The following SLC5A11 variants were observed in gnomAD, a reference collection of about 807,000 sequenced individuals.
The protein encoded by SLC5A11 is sodium/myo-inositol cotransporter 2.
Under a neutral mutation model 69.8 loss-of-function variants are expected in SLC5A11, and 48 were observed. The ratio of observed to expected loss-of-function variants is 0.69; its 90% CI spans 0.55 to 0.87. The LOEUF (loss-of-function observed/expected upper bound fraction) is 0.87, where lower values mean the gene tolerates loss of function less well. Ranked by LOEUF, SLC5A11 falls within the 40% of genes least tolerant of loss-of-function variation. The pLI, the probability that SLC5A11 is intolerant of heterozygous loss-of-function variation, is 0.00. For synonymous variants in SLC5A11, 319 were observed against 342.4 expected (o/e 0.93, Z 0.75); for missense variants, 784 against 866.1 (o/e 0.91, Z 1.19).
At chr16:24,906,701 A>G (rs1296071006) in exon 11 of SLC5A11, 1 of 1,613,628 alleles carries the variant, frequency 6.2e-7, no homozygotes, top group Non-Finnish European at 8.5e-7. Context: ...GAAGATCTGC[A>G]GCAACCCCTC....
At chr16:24,862,798 G>C in intron 3 of SLC5A11, 126 bp downstream of exon 4, 2 of 686,266 alleles carry the variant, frequency 2.9e-6, no homozygotes, top group Non-Finnish European at 4.5e-6. Context: ...GTCTAAACTA[G>C]AGAAGGCTTA....
At chr16:24,910,255 A>G in intron 14 of SLC5A11, 51 bp from the exon 16 acceptor site, 2 of 1,591,534 alleles carry the variant, frequency 1.3e-6, no homozygotes, top group Non-Finnish European at 8.6e-7. Flanking sequence ...AGGATGGACA[A>G]CCCCGGCCCC....
chr16:24,878,927 C>T (rs1390333844), intron 7 of SLC5A11, among the ~76,000 whole-genome samples: 1 of 152,058 alleles, frequency 6.6e-6, no homozygotes, highest in African/African-American at 2.4e-5. Flanking sequence ...CCCAGCTACT[C>T]GGGAGGCTGA....
At chr16:24,869,599 A>G (rs1229066299) in intron 3 of SLC5A11, among the ~76,000 whole-genome samples, 2 of 152,150 alleles carry the variant, frequency 1.3e-5, no homozygotes, top group African/African-American at 4.8e-5. Flanking sequence ...CCCCGCAGGG[A>G]TACTGCATAT....
rs1317057970 is a variant in SLC5A11 at position 24,858,704 on chromosome 16, CAGAAGGG to C, written c.62_68del (p.Gln21ProfsTer10). ...GTTAGATCCCCTGGATGCGTTTCCC[CAGAAGGG>C]CTTGGAGCCTGGGGACATCGCGGTG... On this transcript the variant is annotated frameshift_variant, in exon 2 of 16. Transcript: ENST00000347898. LOFTEE classifies it high-confidence loss of function. The C allele has an allele frequency of 6.2e-7, 1 of 1,611,768 alleles. No individual in the cohort carries two copies. Among genetic ancestry groups the C allele is most frequent in the Non-Finnish European group, 8.5e-7 (1 of 1,179,688 alleles).
At position 24,870,442 on chromosome 16, in the gene SLC5A11, A is replaced by ACCACACACACACACACAC. The variant is rs71156449; in HGVS notation, c.312+437_312+438insCCACACACACACACACAC. 6.3e-4 allele frequency among the ~76,000 whole-genome samples: 89 copies of ACCACACACACACACACAC among 140,618 alleles called. 1 individual carries two copies. Among genetic ancestry groups the ACCACACACACACACACAC allele is most frequent in the African/African-American group, 9.7e-4 (37 of 38,088 alleles). 92.3% of individuals were successfully genotyped at this position (140,618 alleles called of 152,430 possible). A position where few individuals can be genotyped will look rare whatever the true frequency, so the allele number is the denominator to read the frequency against. On this transcript the variant is annotated intron_variant, in intron 4 of 15. Coordinates refer to ENST00000347898, the Ensembl canonical transcript of SLC5A11. ...AAACAAAACAAAAAAAACAAAAAAAAACACACACACACACACACACACAAA... is the reference window on the plus strand; with the variant it reads ...AAACAAAACAAAAAAAACAAAAAAAACCACACACACACACACACACACACACACACACACACACACAAA...
intron 2 of SLC5A11, among the ~76,000 whole-genome samples, chr16:24,860,854 C>T (rs866919245): frequency 1.3e-5 from 2 of 152,054 alleles, no homozygotes; most frequent in East Asian, 3.9e-4. Flanking sequence ...TACAGGCATC[C>T]GTCACCATGC....
intron 10 of SLC5A11, among the ~76,000 whole-genome samples, chr16:24,905,639 C>CGT (rs1567695401): frequency 2.1e-5 from 2 of 97,338 alleles, no homozygotes; most frequent in African/African-American, 8.3e-5. Flanking sequence ...CGCGCGCGCG[C>CGT]GCACACACAC....
At chr16:24,882,362 C>T (rs1336781016) in intron 7 of SLC5A11, among the ~76,000 whole-genome samples, 2 of 152,162 alleles carry the variant, frequency 1.3e-5, no homozygotes, top group African/African-American at 2.4e-5. Context: ...CATGCGTGAA[C>T]GGCAGGGAAC....
intron 10 of SLC5A11, among the ~76,000 whole-genome samples, chr16:24,905,268 A>T (rs7192235): frequency 1.0e-5 from 1 of 98,856 alleles, no homozygotes; most frequent in Non-Finnish European, 2.2e-5. Flanking sequence ...TACTAAAAAT[A>T]CAAAAAAAAA....
At chr16:24,877,148 T>C (rs1170579105) in intron 6 of SLC5A11, 110 bp from the exon 8 acceptor site, 2 of 1,539,246 alleles carry the variant, frequency 1.3e-6, no homozygotes, top group East Asian at 2.3e-5. Context: ...GACTCTTCTG[T>C]GTTTGTCAGC....
intron 5 of SLC5A11, among the ~76,000 whole-genome samples, chr16:24,873,065 A>G (rs375197839): frequency 4.4e-5 from 4 of 90,534 alleles, no homozygotes; most frequent in African/African-American, 1.7e-4. Context: ...GCTTGAACCC[A>G]GGAGGTGGAG....
intron 7 of SLC5A11, among the ~76,000 whole-genome samples, chr16:24,880,597 G>A (rs953487498): frequency 2.0e-5 from 3 of 152,132 alleles, no homozygotes; most frequent in Admixed American, 6.5e-5. Flanking sequence ...GCCTCCCAAA[G>A]TGCTGGGATT....
intron 3 of SLC5A11, among the ~76,000 whole-genome samples, chr16:24,868,236 C>A (rs1213602963): frequency 6.7e-6 from 1 of 150,360 alleles, no homozygotes; most frequent in Non-Finnish European, 1.5e-5. Flanking sequence ...CAACGATAAA[C>A]TCTTCCAAAC....
At chr16:24,877,411 C>T in intron 7 of SLC5A11, 48 bp downstream of exon 8, 12 of 1,400,672 alleles carry the variant, frequency 8.6e-6, no homozygotes, top group Non-Finnish European at 1.2e-5. Flanking sequence ...TGGGCAGGGG[C>T]TGTGGGCCAC....
intron 3 of SLC5A11, among the ~76,000 whole-genome samples, chr16:24,868,816 TTCC>T (rs1159787928): frequency 6.6e-6 from 1 of 151,592 alleles, no homozygotes; most frequent in Non-Finnish European, 1.5e-5. Context: ...CCTCCTTTCC[TTCC>T]TCCTCCTCCT....
rs1284716559 is a variant in SLC5A11, at chr16:24,879,127, GTTTT to G, written c.583+1769_583+1772del. Among the ~76,000 whole-genome samples the G allele has an allele frequency of 4.6e-5, 7 of 151,640 alleles. No homozygotes were observed. The South Asian group carries it at 1.5e-3, about 32-fold the overall frequency. On this transcript the variant is annotated intron_variant, in intron 7 of 15. Coordinates refer to ENST00000347898, the Ensembl canonical transcript of SLC5A11. ...ATTGGGGTGAAGAGATGGAGGACAG[GTTTT>G]TTTTGGTTTTTTGTTTTTTTTTTAC... is the stretch of plus-strand genomic sequence containing the variant.
At chr16:24,881,671 T>C (rs1224694707) in intron 7 of SLC5A11, among the ~76,000 whole-genome samples, 1 of 152,146 alleles carries the variant, frequency 6.6e-6, no homozygotes, top group East Asian at 1.9e-4. Context: ...CCATGAGCAA[T>C]GCAGGGGAGG....
intron 10 of SLC5A11, among the ~76,000 whole-genome samples, chr16:24,904,587 G>A (rs2049878957): frequency 6.6e-6 from 1 of 151,872 alleles, no homozygotes; most frequent in South Asian, 2.1e-4. Context: ...AGGTCTAAAG[G>A]GCCAGTTTCA....
Sources: allele counts gnomAD v4.1 joint callset (sites outside exome capture counted in the v4.1 genomes callset), GRCh38; gene constraint gnomAD v4.1.1; transcripts MANE v1.5; gene names NCBI Gene and HGNC (gene_info 2026-07-23, HGNC 2026-07-21).